LRRC7: variants seen among roughly 807,000 people sequenced by gnomAD.
LRRC7 encodes the protein leucine rich repeat containing 7.
A neutral mutation model predicts 175.7 loss-of-function variants in LRRC7; 23 were observed. The observed-to-expected ratio is 0.13, with a 90% CI of 0.09 to 0.19. The LOEUF is 0.19. Among genes scored for constraint, LRRC7 ranks in the 10% least tolerant of loss-of-function variants. The pLI is 1.00. For missense variants in LRRC7, 1,354 were observed against 1,904.7 expected (o/e 0.71, Z 5.38); for synonymous variants, 685 against 680.9 (o/e 1.01, Z -0.09).
intron 2 of LRRC7, among the ~76,000 whole-genome samples, chr1:69,737,500 T>C (rs1189135596): frequency 2.0e-5 from 3 of 152,030 alleles, no homozygotes; most frequent in Non-Finnish European, 4.4e-5. Context: ...CATAGCAATA[T>C]GAAAAAAATG....
intron 2 of LRRC7, among the ~76,000 whole-genome samples, chr1:69,734,220 A>G (rs1667875666): frequency 6.6e-6 from 1 of 151,934 alleles, no homozygotes; most frequent in Non-Finnish European, 1.5e-5. Context: ...TAAAGCATCC[A>G]TATGCCGTCA....
intron 7 of LRRC7, among the ~76,000 whole-genome samples, chr1:69,879,266 A>G (rs1436940601): frequency 6.7e-6 from 1 of 148,704 alleles, no homozygotes; most frequent in African/African-American, 2.5e-5. Context: ...TATGCCTGCC[A>G]CTTAGTTGTT....
intron 7 of LRRC7, among the ~76,000 whole-genome samples, chr1:69,858,819 G>A (rs1684019949): frequency 6.6e-6 from 1 of 152,080 alleles, no homozygotes; most frequent in Admixed American, 6.6e-5. Context: ...TAGTTCTCAA[G>A]GAATGGTCTT....
chr1:70,120,054 G>T (rs181265528), intron 26 of LRRC7, among the ~76,000 whole-genome samples: 66 of 152,176 alleles, frequency 4.3e-4, no homozygotes, highest in African/African-American at 1.4e-3. Context: ...CTATGTTCCT[G>T]ATGTCTGAAA....
chr1:70,012,898 T>C, intron 12 of LRRC7, 76 bp from the exon 13 acceptor site: 1 of 714,840 alleles, frequency 1.4e-6, no homozygotes, highest in Non-Finnish European at 2.1e-6. Flanking sequence ...CTAAATTGTT[T>C]TAAAAATTAG....
intron 7 of LRRC7, among the ~76,000 whole-genome samples, chr1:69,922,079 T>C (rs1646906829): frequency 6.8e-6 from 1 of 147,094 alleles, no homozygotes; most frequent in Non-Finnish European, 1.5e-5. Flanking sequence ...GCACCTGCCA[T>C]CATGCCTGGC....
intron 7 of LRRC7, among the ~76,000 whole-genome samples, chr1:69,928,240 G>C (rs1256787852): frequency 1.3e-5 from 2 of 152,190 alleles, no homozygotes; most frequent in African/African-American, 4.8e-5. Flanking sequence ...CAGTTAGGCT[G>C]CTCGGGGGTC....
At chr1:69,911,465 G>T (rs7529450) in intron 7 of LRRC7, among the ~76,000 whole-genome samples, 54,907 of 152,052 alleles carry the variant, frequency 0.36, 12,143 homozygotes, top group East Asian at 0.55. Context: ...CATCATCTGT[G>T]ATTTTCTGAC....
chr1:69,807,962 A>G lies in LRRC7; in HGVS notation c.421+15802A>G, dbSNP rs747582939. On this transcript the variant is annotated intron_variant, in intron 4 of 26. Coordinates refer to ENST00000651989, the MANE Select transcript of LRRC7 (RefSeq NM_001370785.2). Reference sequence around the variant, plus strand: ...TCAAATGAAGGTTTGGTCTTTTCACATAGTCCCATATTTCTTGGAGGCTTT... The same window carrying G: ...TCAAATGAAGGTTTGGTCTTTTCACGTAGTCCCATATTTCTTGGAGGCTTT... Among the ~76,000 whole-genome samples the G allele has an allele frequency of 1.1e-3, 163 of 151,990 alleles. 1 individual carries two copies. Among genetic ancestry groups the G allele is most frequent in the Admixed American group, 3.0e-3 (46 of 15,240 alleles).
chr1:69,745,690 A>G (rs1669177250), intron 2 of LRRC7, among the ~76,000 whole-genome samples: 1 of 151,852 alleles, frequency 6.6e-6, no homozygotes, highest in Admixed American at 6.6e-5. Context: ...AACACAAAAC[A>G]ATGTATTAAT....
At chr1:69,594,914 A>G (rs1646777772) in intron 1 of LRRC7, among the ~76,000 whole-genome samples, 1 of 152,176 alleles carries the variant, frequency 6.6e-6, no homozygotes, top group Non-Finnish European at 1.5e-5. Flanking sequence ...ATGCTACCTA[A>G]ACTATATGAA....
intron 10 of LRRC7, among the ~76,000 whole-genome samples, chr1:69,989,104 CT>C (rs1654200556): frequency 2.0e-5 from 3 of 152,146 alleles, no homozygotes; most frequent in Admixed American, 1.3e-4. Context: ...AAAGAGGAAT[CT>C]TTTATATTTA....
chr1:69,650,383 G>GA (rs1014941639), intron 1 of LRRC7, among the ~76,000 whole-genome samples: 116 of 151,290 alleles, frequency 7.7e-4, no homozygotes, highest in Non-Finnish European at 1.4e-3. Context: ...TACTAAAAAT[G>GA]AAAAAAATTA....
chr1:69,710,443 A>G (rs1218787854), intron 2 of LRRC7, among the ~76,000 whole-genome samples: 3 of 152,098 alleles, frequency 2.0e-5, no homozygotes, highest in African/African-American at 7.2e-5. Context: ...TGTACTGTCT[A>G]TTCCTCCCTG....
chr1:70,004,293 A>G (rs377706688), intron 11 of LRRC7, among the ~76,000 whole-genome samples: 146 of 152,220 alleles, frequency 9.6e-4, no homozygotes, highest in African/African-American at 3.3e-3. Context: ...AAGTTTGCAA[A>G]TTTCCTACCA....
intron 3 of LRRC7, among the ~76,000 whole-genome samples, chr1:69,769,759 AGTT>A: frequency 6.6e-6 from 1 of 152,316 alleles, no homozygotes; most frequent in East Asian, 1.9e-4. Context: ...TGTTTAGTGA[AGTT>A]GTTTTGCATA....
At position 70,127,305 on chromosome 1, in the gene LRRC7, T is replaced by C. The variant is rs1252554423; in HGVS notation, c.*5418T>C. On this transcript the variant is annotated 3_prime_UTR_variant, in exon 27 of 27. Transcript: ENST00000651989. ...ACTTTCAACACTGCCTGCAAGAGAA[T>C]GGTTTGGAAACACTCCCTGGTAAGG... Among the ~76,000 whole-genome samples the C allele has an allele frequency of 6.6e-6, 1 of 152,246 alleles. No individual in the cohort carries two copies. The highest frequency in any genetic ancestry group is 1.5e-5 in the Non-Finnish European group (1 of 68,032).
At chr1:69,931,603 AC>A (rs761028007) in intron 8 of LRRC7, 33 bp downstream of exon 8, 1 of 1,521,122 alleles carries the variant, frequency 6.6e-7, no homozygotes, top group South Asian at 1.1e-5. Flanking sequence ...CCTGATAAAT[AC>A]CCTTCAGGAG....
intron 7 of LRRC7, among the ~76,000 whole-genome samples, chr1:69,915,472 C>CAG (rs1646657538): frequency 6.6e-6 from 1 of 152,046 alleles, no homozygotes; most frequent in East Asian, 1.9e-4. Context: ...GCAAAGTGTG[C>CAG]TTCTAGTCTA....
Sources: gnomAD v4.1 joint callset for allele counts (sites outside exome capture counted in the v4.1 genomes callset) on GRCh38, gnomAD v4.1.1 for gene constraint, MANE v1.5 for transcripts, NCBI Gene and HGNC (gene_info 2026-07-23, HGNC 2026-07-21) for gene names.